Variants in SMURF1 observed in about 807,000 individuals in gnomAD.
SMURF1 encodes SMAD specific E3 ubiquitin protein ligase 1, also known as E3 ubiquitin-protein ligase SMURF1.
SMURF1 carries 44 observed loss-of-function variants against 98.0 expected under a neutral mutation model. That is an observed-to-expected ratio of 0.45 (90% confidence interval 0.35 to 0.58). The LOEUF (loss-of-function observed/expected upper bound fraction) is 0.58, where lower values mean the gene tolerates loss of function less well. SMURF1 is among the 20% of genes least tolerant of loss of function. The pLI, the probability that SMURF1 is intolerant of heterozygous loss-of-function variation, is 0.00. For synonymous variants in SMURF1, 396 were observed against 374.9 expected (o/e 1.06, Z -0.65); for missense variants, 687 against 938.4 (o/e 0.73, Z 3.50).
chr7:99,047,611 T>G, intron 10 of SMURF1, 73 bp downstream of exon 10: 1 of 1,499,892 alleles, frequency 6.7e-7, no homozygotes, highest in Non-Finnish European at 9.2e-7. Flanking sequence ...AACAATCGCA[T>G]TTGAGATTCC....
chr7:99,032,788 G>A, intron 17 of SMURF1: 1 of 525,534 alleles, frequency 1.9e-6, no homozygotes, highest in Non-Finnish European at 3.4e-6. Context: ...TTTTTTACAT[G>A]GCCAGTAAAG....
intron 1 of SMURF1, among the ~76,000 whole-genome samples, chr7:99,106,829 G>T (rs994064705): frequency 1.3e-5 from 2 of 152,190 alleles, no homozygotes; most frequent in African/African-American, 4.8e-5. Flanking sequence ...AGTGATTTAA[G>T]GATTGAATCA....
intron 15 of SMURF1, among the ~76,000 whole-genome samples, chr7:99,036,628 G>A (rs1180185566): frequency 1.3e-5 from 2 of 152,150 alleles, no homozygotes; most frequent in African/African-American, 2.4e-5. Context: ...ATGGATAAGG[G>A]CTGAATGAAT....
intron 1 of SMURF1, among the ~76,000 whole-genome samples, chr7:99,092,489 G>A (rs928213571): frequency 1.6e-4 from 25 of 152,296 alleles, no homozygotes; most frequent in Non-Finnish European, 3.4e-4. Context: ...TTGAGTCATC[G>A]AACGTGCATG....
At chr7:99,086,070 G>A (rs1485901150) in intron 1 of SMURF1, among the ~76,000 whole-genome samples, 3 of 152,174 alleles carry the variant, frequency 2.0e-5, no homozygotes. Context: ...CCACGGCCAG[G>A]CGTGGTGGTT....
chr7:99,113,376 C>G (rs1797365006), intron 1 of SMURF1, among the ~76,000 whole-genome samples: 1 of 152,134 alleles, frequency 6.6e-6, no homozygotes, highest in Non-Finnish European at 1.5e-5. Flanking sequence ...ATTATATATT[C>G]AAATTACTAA....
chr7:99,034,708 G>C (rs1795063403), intron 16 of SMURF1, among the ~76,000 whole-genome samples: 1 of 152,150 alleles, frequency 6.6e-6, no homozygotes, highest in Non-Finnish European at 1.5e-5. Context: ...TACGAGCGGG[G>C]CTCAGCCTCA....
intron 1 of SMURF1, among the ~76,000 whole-genome samples, chr7:99,141,587 G>T (rs974509185): frequency 2.6e-5 from 4 of 152,158 alleles, no homozygotes; most frequent in Non-Finnish European, 4.4e-5. Flanking sequence ...CAGAAGCAAA[G>T]ATCCCAGAGG....
chr7:99,087,627 T>G (rs1008438103), intron 1 of SMURF1, among the ~76,000 whole-genome samples: 2 of 152,214 alleles, frequency 1.3e-5, no homozygotes, highest in Non-Finnish European at 2.9e-5. Flanking sequence ...TTTAGCTAGA[T>G]AGACAAAAAT....
At chr7:99,120,193 C>G (rs978061797) in intron 1 of SMURF1, among the ~76,000 whole-genome samples, 4 of 152,134 alleles carry the variant, frequency 2.6e-5, no homozygotes, top group African/African-American at 7.2e-5. Flanking sequence ...TGAGGCCTCC[C>G]CAGAAGCTAA....
chr7:99,048,097 G>T, intron 9 of SMURF1: 1 of 543,582 alleles, frequency 1.8e-6, no homozygotes, highest in Non-Finnish European at 3.3e-6. Flanking sequence ...CCATAAAGGA[G>T]GTACCCCAGG....
intron 1 of SMURF1, among the ~76,000 whole-genome samples, chr7:99,112,157 T>TG (rs1364869559): frequency 6.6e-6 from 1 of 152,160 alleles, no homozygotes; most frequent in Admixed American, 6.5e-5. Flanking sequence ...ATGCCACAAC[T>TG]GGGTGCATGC....
At chr7:99,131,314 G>A (rs530941218) in intron 1 of SMURF1, among the ~76,000 whole-genome samples, 5 of 152,194 alleles carry the variant, frequency 3.3e-5, no homozygotes, top group African/African-American at 1.2e-4. Flanking sequence ...AAGGAGGCAG[G>A]GTGAAAAATC....
chr7:99,069,478 C>T (rs964019786), intron 1 of SMURF1, among the ~76,000 whole-genome samples: 3 of 152,148 alleles, frequency 2.0e-5, no homozygotes, highest in Non-Finnish European at 4.4e-5. Flanking sequence ...CCCACCACAG[C>T]CTCCTGAGTA....
At chr7:99,134,571 C>A (rs34287702) in intron 1 of SMURF1, among the ~76,000 whole-genome samples, 9,284 of 152,210 alleles carry the variant, frequency 0.061, 394 homozygotes, top group Middle Eastern at 0.13. Context: ...TTTTCTACTT[C>A]TACAGAGCCA....
intron 1 of SMURF1, among the ~76,000 whole-genome samples, chr7:99,133,976 G>C (rs899058010): frequency 6.6e-6 from 1 of 152,256 alleles, no homozygotes; most frequent in Admixed American, 6.5e-5. Context: ...TCTTTGCCAG[G>C]GGGGTGCGGC....
intron 1 of SMURF1, among the ~76,000 whole-genome samples, chr7:99,103,814 T>C (rs1797139497): frequency 1.3e-5 from 2 of 152,118 alleles, no homozygotes; most frequent in South Asian, 4.1e-4. Context: ...AGAAAATTCA[T>C]ATATTGATGG....
intron 8 of SMURF1, chr7:99,051,024 A>G: frequency 3.3e-6 from 5 of 1,519,590 alleles, no homozygotes; most frequent in Non-Finnish European, 3.6e-6. Context: ...AGTAGAAGAG[A>G]GAAAGGGTAA....
chr7:99,102,913 C>T (rs1797120092), intron 1 of SMURF1, among the ~76,000 whole-genome samples: 1 of 152,052 alleles, frequency 6.6e-6, no homozygotes, highest in African/African-American at 2.4e-5. Flanking sequence ...AAGCGATCCT[C>T]CCACCTCAGC....
Sources: allele counts gnomAD v4.1 joint callset (sites outside exome capture counted in the v4.1 genomes callset), GRCh38; gene constraint gnomAD v4.1.1; transcripts MANE v1.5; gene names NCBI Gene and HGNC (gene_info 2026-07-23, HGNC 2026-07-21).